PRDM16: variants seen among roughly 807,000 people sequenced by gnomAD.
PRDM16 encodes the protein PR/SET domain 16, also known as histone-lysine N-methyltransferase PRDM16.
A neutral mutation model predicts 110.6 loss-of-function variants in PRDM16; 23 were observed. The observed-to-expected ratio is 0.21, with a 90% CI of 0.15 to 0.29. The LOEUF is 0.29. Ranked by LOEUF, PRDM16 falls within the 10% of genes least tolerant of loss-of-function variation. The pLI is 1.00. For synonymous variants in PRDM16, 799 were observed against 781.8 expected (o/e 1.02, Z -0.37); for missense variants, 1,615 against 1,794.3 (o/e 0.90, Z 1.81).
intron 2 of PRDM16, among the ~76,000 whole-genome samples, chr1:3,211,697 T>G (rs977594208): frequency 1.3e-5 from 2 of 152,210 alleles, no homozygotes; most frequent in African/African-American, 4.8e-5. Context: ...GCACAGCCCC[T>G]AATGTTGGCA....
At chr1:3,089,269 C>A (rs765421800) in intron 1 of PRDM16, among the ~76,000 whole-genome samples, 1 of 152,240 alleles carries the variant, frequency 6.6e-6, no homozygotes, top group Non-Finnish European at 1.5e-5. Context: ...GCACCCAGCT[C>A]CCGCACAATA....
At chr1:3,133,366 CTG>C (rs1315455079) in intron 1 of PRDM16, 1 of 152,312 alleles carries the variant, frequency 6.6e-6, no homozygotes, top group Non-Finnish European at 1.5e-5. Flanking sequence ...TCCTGTAAGA[CTG>C]TGTTCAGAGG....
chr1:3,208,617 G>C lies in PRDM16; in HGVS notation c.387+22143G>C, dbSNP rs867904531. 1 of 151,940 alleles carries C rather than the reference G, an allele frequency of 6.6e-6. No individual in the cohort carries two copies. The allele number at this position is 151,940 out of a possible 1,614,324, so 9.4% of individuals were successfully genotyped here. ...GGAGGCAGAAGTTGCAGTGAGCTGA[G>C]GTCACGTGACTGCACTCCAACCTGG... On this transcript the variant is annotated intron_variant, in intron 2 of 16. Coordinates refer to ENST00000270722, the MANE Select transcript of PRDM16 (RefSeq NM_022114.4). The surrounding 1 kb of genome is among the most constrained non-coding windows in gnomAD (Gnocchi z 6.1).
intron 3 of PRDM16, among the ~76,000 whole-genome samples, chr1:3,277,397 A>G (rs1569978477): frequency 6.6e-6 from 1 of 151,938 alleles, no homozygotes; most frequent in Non-Finnish European, 1.5e-5. Context: ...GCTGCAGGGA[A>G]CCCCCAAGCC....
intron 2 of PRDM16, among the ~76,000 whole-genome samples, chr1:3,225,573 T>TGCGCGCGCGCGCGC (rs138962991): frequency 1.0e-4 from 13 of 129,908 alleles, no homozygotes; most frequent in African/African-American, 3.2e-4. Flanking sequence ...TGTGTGTGTG[T>TGCGCGCGCGCGCGC]GCGCGCGCGC....
chr1:3,405,030 C>A, intron 7 of PRDM16, 144 bp downstream of exon 7: 1 of 828,464 alleles, frequency 1.2e-6, no homozygotes, highest in Non-Finnish European at 1.8e-6. Flanking sequence ...GTGGCTCGGG[C>A]CCTTCCGTGT....
In PRDM16 at chr1:3,339,316, C is replaced by T. The variant is rs1463965104; in HGVS notation, c.439-45836C>T. 6.6e-6 allele frequency among the ~76,000 whole-genome samples: 1 copy of T among 152,056 alleles called. No individual in the cohort carries two copies. The highest frequency in any genetic ancestry group is 1.5e-5 in the Non-Finnish European group (1 of 68,004). ...TTGTCTCGGTATCCCTGGCCCTTGC[C>T]CAGGGTGAGGCACAGGGTGGGCCTC... is the stretch of plus-strand genomic sequence containing the variant. On this transcript the variant is annotated intron_variant, in intron 3 of 16. Coordinates refer to ENST00000270722, the MANE Select transcript of PRDM16 (RefSeq NM_022114.4). The surrounding 1 kb of genome is among the most constrained non-coding windows in gnomAD (Gnocchi z 5.0).
chr1:3,153,313 G>A (rs1053178275), intron 1 of PRDM16, among the ~76,000 whole-genome samples: 26 of 152,244 alleles, frequency 1.7e-4, no homozygotes, highest in Admixed American at 1.7e-3. Context: ...AGCAGGCCCC[G>A]GAGCCCTGGG....
chr1:3,395,711 G>A (rs1643375588), intron 4 of PRDM16, among the ~76,000 whole-genome samples: 1 of 152,022 alleles, frequency 6.6e-6, no homozygotes, highest in African/African-American at 2.4e-5. Context: ...TCTTCATCTC[G>A]ACCACCACTT....
intron 2 of PRDM16, among the ~76,000 whole-genome samples, chr1:3,219,899 C>G (rs943579123): frequency 2.6e-5 from 4 of 152,196 alleles, no homozygotes; most frequent in African/African-American, 9.7e-5. Context: ...TCCCCCGGAT[C>G]CACGGAGCTA....
At chr1:3,320,479 G>T (rs1011091716) in intron 3 of PRDM16, among the ~76,000 whole-genome samples, 15 of 152,208 alleles carry the variant, frequency 9.9e-5, no homozygotes, top group Non-Finnish European at 7.3e-5. Flanking sequence ...GGGCCTGTGT[G>T]CTGGCTGCCT....
chr1:3,201,663 G>A lies in PRDM16; in HGVS notation c.387+15189G>A, dbSNP rs765792405. On this transcript the variant is annotated intron_variant, in intron 2 of 16. Transcript: ENST00000270722. This position sits in a 1 kb window ranked among gnomAD's most constrained non-coding sequence, Gnocchi z 4.1. Reference sequence around the variant, plus strand: ...TTCTCCAGTGACCCCTGGCAGGTCGGGGACCCCAGCCACTTCCAGCACCTG... The same window carrying A: ...TTCTCCAGTGACCCCTGGCAGGTCGAGGACCCCAGCCACTTCCAGCACCTG... Among the ~76,000 whole-genome samples the A allele has an allele frequency of 2.0e-4, 31 of 152,350 alleles. No individual in the cohort carries two copies. Among genetic ancestry groups the A allele is most frequent in the Admixed American group, 5.2e-4 (8 of 15,312 alleles).
Position 3,295,424 on chromosome 1 carries a change from C to G in PRDM16, c.438+51287C>G, listed in dbSNP as rs554175308. Among the ~76,000 whole-genome samples the G allele has an allele frequency of 3.7e-4, 57 of 152,268 alleles. No homozygotes were observed. The South Asian group carries it at 9.1e-3, about 24-fold the overall frequency. On this transcript the variant is annotated intron_variant, in intron 3 of 16. Coordinates refer to ENST00000270722, the MANE Select transcript of PRDM16 (RefSeq NM_022114.4). ...CTTCCATGATGGGCTCACGGAGGTG[C>G]GACTTCCTCCCAGATCCCTCGAGGA... is the stretch of plus-strand genomic sequence containing the variant.
chr1:3,093,930 T>C (rs1285908420), intron 1 of PRDM16, among the ~76,000 whole-genome samples: 1 of 152,164 alleles, frequency 6.6e-6, no homozygotes, highest in Non-Finnish European at 1.5e-5. Flanking sequence ...TCCTGACAAA[T>C]TTCCCTGAGC....
At chr1:3,324,959 G>T (rs898347588) in intron 3 of PRDM16, among the ~76,000 whole-genome samples, 5 of 152,154 alleles carry the variant, frequency 3.3e-5, no homozygotes, top group Non-Finnish European at 5.9e-5. Context: ...GTCCTGGGGG[G>T]AGGATGCACG....
At position 3,402,969 on chromosome 1, in the gene PRDM16, C is replaced by G. The variant is rs1385218971; in HGVS notation, c.855C>G (p.Asp285Glu). ...GGSGQAHECKDCERMFPNKYS... is the reference protein window; with the variant it reads ...GGSGQAHECKECERMFPNKYS... ...GCGGCCAAGCCCACGAGTGCAAGGA[C>G]TGCGAGCGGATGTTCCCCAACAAGT... The change falls in exon 6 of 17, where the codon GAC becomes GAG. Residue 285 changes from aspartate (D) to glutamate (E), a missense_variant. Physicochemically the swap from Asp to Glu is conservative, Grantham distance 45. Around this residue, in one of 5 missense-constraint regions of PRDM16, gnomAD observed 416 missense variants for 467.1 expected, o/e 0.89. Transcript: ENST00000270722. 3 of 1,611,590 alleles carry G rather than the reference C, an allele frequency of 1.9e-6. No homozygotes were observed. The highest frequency in any genetic ancestry group is 2.5e-6 in the Non-Finnish European group (3 of 1,179,594).
intron 3 of PRDM16, among the ~76,000 whole-genome samples, chr1:3,253,955 G>A (rs1385661330): frequency 1.3e-5 from 2 of 152,174 alleles, no homozygotes; most frequent in African/African-American, 4.8e-5. Flanking sequence ...TTCTCTGATG[G>A]CTGGTGATGG....
chr1:3,289,200 GGCCCCTGA>G (rs1640919897), intron 3 of PRDM16, among the ~76,000 whole-genome samples: 1 of 152,226 alleles, frequency 6.6e-6, no homozygotes, highest in Non-Finnish European at 1.5e-5. Context: ...CCACGGGCAA[GGCCCCTGA>G]TAAGGTCACA....
chr1:3,075,568 ATATAT>A (rs1300461163), intron 1 of PRDM16, among the ~76,000 whole-genome samples: 3 of 152,278 alleles, frequency 2.0e-5, no homozygotes, highest in Admixed American at 6.5e-5. Flanking sequence ...AAGGAAAAAA[ATATAT>A]TATGGCTGTT....
Sources: gnomAD v4.1 joint callset for allele counts (sites outside exome capture counted in the v4.1 genomes callset) on GRCh38, gnomAD v4.1.1 for gene constraint, gnomAD v4.1.1 regional missense constraint, Gnocchi (gnomAD v3.1) non-coding constraint, MANE v1.5 for transcripts, NCBI Gene and HGNC (gene_info 2026-07-23, HGNC 2026-07-21) for gene names.